UNC5D: variants seen among roughly 807,000 people sequenced by gnomAD.
UNC5D encodes the protein unc-5 netrin receptor D, also known as netrin receptor UNC5D.
Under a neutral mutation model 105.4 loss-of-function variants are expected in UNC5D, and 39 were observed. The observed-to-expected ratio is 0.37, with a 90% confidence interval of 0.29 to 0.48. The LOEUF (loss-of-function observed/expected upper bound fraction) is 0.48. UNC5D is among the 20% of genes least tolerant of loss of function. UNC5D has a pLI of 0.98. For synonymous variants in UNC5D, 452 were observed against 450.4 expected, an observed-to-expected ratio of 1.00 and a Z score of -0.04; for missense variants, 991 against 1,202.4, an observed-to-expected ratio of 0.82 and a Z score of 2.60.
At chr8:35,384,016 C>T (rs541032223) in intron 1 of UNC5D, among the ~76,000 whole-genome samples, 36 of 152,142 alleles carry the variant, frequency 2.4e-4, no homozygotes, top group African/African-American at 8.4e-4. Context: ...GAGATCGAGA[C>T]CATCCTGGCT....
intron 1 of UNC5D, among the ~76,000 whole-genome samples, chr8:35,387,884 G>A (rs762795425): frequency 1.8e-4 from 27 of 152,270 alleles, no homozygotes; most frequent in Non-Finnish European, 3.2e-4. Context: ...TAGTATTATA[G>A]TGGTGTGTAA....
At chr8:35,341,914 C>A (rs540553841) in intron 1 of UNC5D, among the ~76,000 whole-genome samples, 3 of 152,176 alleles carry the variant, frequency 2.0e-5, no homozygotes, top group African/African-American at 7.2e-5. Context: ...AAGAATAGGG[C>A]AAAATGTCAA....
intron 1 of UNC5D, among the ~76,000 whole-genome samples, chr8:35,268,570 T>G (rs1805054051): frequency 6.6e-6 from 1 of 152,180 alleles, no homozygotes; most frequent in South Asian, 2.1e-4. Context: ...ATCTCAAAAC[T>G]TTTGTGCCCT....
chr8:35,295,797 G>T (rs548944160), intron 1 of UNC5D, among the ~76,000 whole-genome samples: 15 of 152,268 alleles, frequency 9.9e-5, no homozygotes, highest in Non-Finnish European at 1.6e-4. Flanking sequence ...TCTTATAACT[G>T]AAAGTTTGCA....
At chr8:35,529,885 A>G (rs1375393203) in intron 1 of UNC5D, among the ~76,000 whole-genome samples, 8 of 149,914 alleles carry the variant, frequency 5.3e-5, no homozygotes, top group Non-Finnish European at 3.0e-5. Context: ...TGATTTTTGT[A>G]CATTGATTTT....
At chr8:35,740,881 A>G (rs536168695) in intron 11 of UNC5D, among the ~76,000 whole-genome samples, 1 of 152,256 alleles carries the variant, frequency 6.6e-6, no homozygotes, top group Admixed American at 6.5e-5. Flanking sequence ...AGCCTAAAAT[A>G]AAAGGATTCT....
chr8:35,297,114 G>C (rs1356132800), intron 1 of UNC5D, among the ~76,000 whole-genome samples: 1 of 152,106 alleles, frequency 6.6e-6, no homozygotes, highest in Non-Finnish European at 1.5e-5. Flanking sequence ...GAGTACCACA[G>C]GGTTCACCTC....
chr8:35,560,070 CATATTT>C (rs1295575107), intron 2 of UNC5D, among the ~76,000 whole-genome samples: 1 of 152,210 alleles, frequency 6.6e-6, no homozygotes. Context: ...GTACCATAGT[CATATTT>C]GTATATTCTC....
intron 1 of UNC5D, among the ~76,000 whole-genome samples, chr8:35,461,517 C>T (rs1808892872): frequency 6.6e-6 from 1 of 152,090 alleles, no homozygotes; most frequent in South Asian, 2.1e-4. Flanking sequence ...ATTAATGGAT[C>T]CCATAACACA....
chr8:35,657,742 T>TC (rs1823866105), intron 4 of UNC5D, among the ~76,000 whole-genome samples: 1 of 152,208 alleles, frequency 6.6e-6, no homozygotes. Flanking sequence ...TACATTGGAC[T>TC]CCCAAAGTGC....
At chr8:35,538,188 A>G (rs1814973710) in intron 1 of UNC5D, among the ~76,000 whole-genome samples, 2 of 151,836 alleles carry the variant, frequency 1.3e-5, no homozygotes, top group East Asian at 3.9e-4. Flanking sequence ...AATCGGCTAT[A>G]AGCAAAAGAG....
chr8:35,422,506 G>A (rs921161404), intron 1 of UNC5D, among the ~76,000 whole-genome samples: 1 of 152,188 alleles, frequency 6.6e-6, no homozygotes, highest in Non-Finnish European at 1.5e-5. Context: ...TCACTAATAA[G>A]CAGGAGAATT....
intron 1 of UNC5D, among the ~76,000 whole-genome samples, chr8:35,344,087 T>C (rs1434140668): frequency 6.6e-6 from 1 of 152,076 alleles, no homozygotes; most frequent in Non-Finnish European, 1.5e-5. Flanking sequence ...GATTTGAATG[T>C]ACAGAAAGAT....
intron 1 of UNC5D, among the ~76,000 whole-genome samples, chr8:35,265,727 G>C (rs547097809): frequency 1.3e-5 from 2 of 151,812 alleles, no homozygotes; most frequent in East Asian, 1.9e-4. Context: ...AAAATTAGCC[G>C]GGCATGGTGG....
intron 11 of UNC5D, 54 bp downstream of exon 11, chr8:35,731,150 G>C (rs1290597328): frequency 1.2e-5 from 18 of 1,548,914 alleles, no homozygotes; most frequent in Non-Finnish European, 1.5e-5. Flanking sequence ...TGTAATCCCA[G>C]TACTTTGGGA....
At position 35,299,133 on chromosome 8, in the gene UNC5D, A is replaced by G. The variant is rs1490737170; in HGVS notation, c.103+63246A>G. On this transcript the variant is annotated intron_variant, in intron 1 of 16. Coordinates refer to ENST00000404895, the MANE Select transcript of UNC5D (RefSeq NM_080872.4). ...TAGAACACTAAGGAATATGTAAAATATACCCTTCTTCTGAGGAAGTAGAGT... is the reference window on the plus strand; with the variant it reads ...TAGAACACTAAGGAATATGTAAAATGTACCCTTCTTCTGAGGAAGTAGAGT... Among the ~76,000 whole-genome samples, 4 of 152,204 alleles carry G rather than the reference A, an allele frequency of 2.6e-5. No individual in the cohort carries two copies. In the East Asian group the frequency reaches 5.8e-4, roughly 22 times the overall value.
intron 16 of UNC5D, among the ~76,000 whole-genome samples, chr8:35,778,679 C>T (rs1051540284): frequency 2.6e-5 from 4 of 152,118 alleles, no homozygotes; most frequent in East Asian, 1.9e-4. Flanking sequence ...TTCCAAAAAG[C>T]GTTTAAAAGC....
intron 1 of UNC5D, among the ~76,000 whole-genome samples, chr8:35,299,828 C>A (rs1807787629): frequency 1.3e-5 from 2 of 152,144 alleles, no homozygotes; most frequent in Admixed American, 1.3e-4. Flanking sequence ...CAGTGGAGTA[C>A]AATGCAACTG....
chr8:35,310,286 T>G (rs10091291), intron 1 of UNC5D, among the ~76,000 whole-genome samples: 68,038 of 152,042 alleles, frequency 0.45, 15,635 homozygotes, highest in East Asian at 0.7. Context: ...GGGAGTAAGC[T>G]ATGCATAAAT....
Sources: allele counts gnomAD v4.1 joint callset (sites outside exome capture counted in the v4.1 genomes callset), GRCh38; gene constraint gnomAD v4.1.1; transcripts MANE v1.5; gene names NCBI Gene and HGNC (gene_info 2026-07-23, HGNC 2026-07-21).